PCED1B: variants seen among roughly 807,000 people sequenced by gnomAD.
The protein encoded by PCED1B is PC-esterase domain containing 1B.
For missense variants in PCED1B, 573 were observed against 573.9 expected, an observed-to-expected ratio of 1.00 and a Z score of 0.02; for synonymous variants, 251 against 246.1, an observed-to-expected ratio of 1.02 and a Z score of -0.19.
chr12:47,080,038 C>G (rs1941948450), intron 1 of PCED1B: 1 of 152,138 alleles, frequency 6.6e-6, no homozygotes, highest in African/African-American at 2.4e-5. Context: ...GAGAGGCGGC[C>G]GGCGCCCCCT....
chr12:47,126,221 G>C (rs1939883309), intron 2 of PCED1B, among the ~76,000 whole-genome samples: 1 of 152,008 alleles, frequency 6.6e-6, no homozygotes, highest in African/African-American at 2.4e-5. Context: ...TTTTTATAAG[G>C]AATGCATGTA....
intron 2 of PCED1B, among the ~76,000 whole-genome samples, chr12:47,187,042 A>G (rs948983926): frequency 1.3e-5 from 2 of 152,288 alleles, no homozygotes; most frequent in Admixed American, 6.5e-5. Context: ...AAGAAGGGAA[A>G]ATGGCTCTTG....
At chr12:47,157,072 C>A (rs938466429) in intron 2 of PCED1B, among the ~76,000 whole-genome samples, 1 of 152,094 alleles carries the variant, frequency 6.6e-6, no homozygotes, top group African/African-American at 2.4e-5. Flanking sequence ...TTTATTTTTG[C>A]ACATTCAGGA....
intron 3 of PCED1B, among the ~76,000 whole-genome samples, chr12:47,222,836 A>G (rs1592313528): frequency 1.3e-5 from 2 of 152,156 alleles, no homozygotes; most frequent in South Asian, 2.1e-4. Context: ...TATTGCCCCA[A>G]TTCTCAGTCA....
intron 2 of PCED1B, among the ~76,000 whole-genome samples, chr12:47,117,520 C>T (rs1939477039): frequency 6.6e-6 from 1 of 152,196 alleles, no homozygotes; most frequent in African/African-American, 2.4e-5. Flanking sequence ...CTACAAAGGA[C>T]ATGAACTCAT....
At chr12:47,201,145 G>A (rs1004344937) in intron 2 of PCED1B, among the ~76,000 whole-genome samples, 1 of 152,030 alleles carries the variant, frequency 6.6e-6, no homozygotes, top group Admixed American at 6.6e-5. Flanking sequence ...GAAAAGGGGA[G>A]GGGGGGAGTC....
rs141945169 is a variant in PCED1B at position 47,198,052 on chromosome 12, G to A, written c.-525-18170G>A. Among the ~76,000 whole-genome samples the A allele has an allele frequency of 2.2e-3, 329 of 152,250 alleles. 2 individuals are homozygous for A. The highest frequency in any genetic ancestry group is 7.6e-3 in the African/African-American group (314 of 41,550). On this transcript the variant is annotated intron_variant, in intron 2 of 3. Transcript: ENST00000546455. ...TTTCTTCACTCATTCTATGAGGCCA[G>A]CATTAATCCTATATCAAAACCAGAC... is the stretch of plus-strand genomic sequence containing the variant.
chr12:47,145,612 G>A (rs1940755836), intron 2 of PCED1B, among the ~76,000 whole-genome samples: 1 of 152,108 alleles, frequency 6.6e-6, no homozygotes, highest in African/African-American at 2.4e-5. Context: ...AAAATCCTAG[G>A]GCTCTTAGGA....
intron 1 of PCED1B, among the ~76,000 whole-genome samples, chr12:47,098,620 C>T (rs1938576899): frequency 6.6e-6 from 1 of 152,090 alleles, no homozygotes; most frequent in African/African-American, 2.4e-5. Flanking sequence ...GTAGCTGGGA[C>T]TACAGGCGCC....
At position 47,235,749 on chromosome 12, in the gene PCED1B, G is replaced by A; in HGVS notation, c.686G>A (p.Gly229Glu). 1 of 1,602,418 alleles carries A rather than the reference G, an allele frequency of 6.2e-7. No individual in the cohort carries two copies. The highest frequency in any genetic ancestry group is 8.5e-7 in the Non-Finnish European group (1 of 1,174,778). ...GCGAGGGAGAACCTGCACTGGGACG[G>A]GGTGCACTGGAATGGACGTGTGCAC... ...RHARENLHWD[G>E]VHWNGRVHRC... The change falls in exon 4 of 4, where the codon GGG becomes GAG. Residue 229 changes from glycine to glutamate, a missense_variant. Coordinates refer to ENST00000546455, the MANE Select transcript of PCED1B (RefSeq NM_138371.3).
At chr12:47,089,171 G>A (rs1209437160) in intron 1 of PCED1B, among the ~76,000 whole-genome samples, 4 of 151,928 alleles carry the variant, frequency 2.6e-5, no homozygotes, top group African/African-American at 9.7e-5. Context: ...GGCCAGGCGT[G>A]GTGGCTCACG....
intron 2 of PCED1B, among the ~76,000 whole-genome samples, chr12:47,174,953 G>C (rs1941874619): frequency 6.6e-6 from 1 of 152,218 alleles, no homozygotes; most frequent in Non-Finnish European, 1.5e-5. Context: ...CAAGGTGTCA[G>C]ATGGATAGTA....
chr12:47,133,354 G>A (rs1300917021), intron 2 of PCED1B, among the ~76,000 whole-genome samples: 1 of 152,160 alleles, frequency 6.6e-6, no homozygotes, highest in Non-Finnish European at 1.5e-5. Context: ...ATCCTCTGAT[G>A]TGGCATCCCT....
intron 2 of PCED1B, among the ~76,000 whole-genome samples, chr12:47,212,463 G>A (rs571318461): frequency 7.2e-5 from 11 of 152,168 alleles, no homozygotes; most frequent in Non-Finnish European, 1.5e-4. Context: ...GGAACTATGA[G>A]TCCAGGACCC....
intron 2 of PCED1B, chr12:47,135,463 T>C (rs2137378559): frequency 2.6e-6 from 1 of 381,076 alleles, no homozygotes; most frequent in Non-Finnish European, 5.2e-6. Flanking sequence ...GCAGAGCTCC[T>C]GGCCCGGATG....
chr12:47,150,336 G>A (rs894241741), intron 2 of PCED1B, among the ~76,000 whole-genome samples: 5 of 152,056 alleles, frequency 3.3e-5, no homozygotes, highest in Non-Finnish European at 5.9e-5. Context: ...AGCACTTTGG[G>A]AGGTCAAGGC....
In PCED1B at chr12:47,186,173, G is replaced by A. The variant is rs903055749; in HGVS notation, c.-525-30049G>A. Among the ~76,000 whole-genome samples the A allele has an allele frequency of 8.7e-5, 13 of 149,416 alleles. No homozygotes were observed. In the East Asian group the frequency reaches 9.9e-4, roughly 11 times the overall value. On this transcript the variant is annotated intron_variant, in intron 2 of 3. Coordinates refer to ENST00000546455, the MANE Select transcript of PCED1B (RefSeq NM_138371.3). ...GCAGGGGTTGCAGTGAGCCAAGATC[G>A]CGCCCCTGCACTCCAGCCTGGGTGA...
At chr12:47,229,398 G>T (rs1311662881) in intron 3 of PCED1B, among the ~76,000 whole-genome samples, 1 of 148,320 alleles carries the variant, frequency 6.7e-6, no homozygotes, top group African/African-American at 2.5e-5. Context: ...TGGGCACCAA[G>T]AGCAAAACTG....
At chr12:47,143,975 A>C (rs1940692399) in intron 2 of PCED1B, among the ~76,000 whole-genome samples, 1 of 152,294 alleles carries the variant, frequency 6.6e-6, no homozygotes, top group African/African-American at 2.4e-5. Context: ...GCATTGCCCT[A>C]GTTGGGGCTC....
Sources: allele counts gnomAD v4.1 joint callset (sites outside exome capture counted in the v4.1 genomes callset), GRCh38; gene constraint gnomAD v4.1.1; transcripts MANE v1.5; gene names NCBI Gene and HGNC (gene_info 2026-07-23, HGNC 2026-07-21).